Variants in PRKAR2A observed in about 807,000 individuals in gnomAD.
PRKAR2A encodes protein kinase cAMP-dependent type II regulatory subunit alpha, also known as cAMP-dependent protein kinase type II-alpha regulatory subunit.
In PRKAR2A, 29 loss-of-function variants were observed where a neutral mutation model predicts 51.9. The observed-to-expected ratio is 0.56, with a 90% CI of 0.42 to 0.76. PRKAR2A has a LOEUF of 0.76. Ranked by LOEUF, PRKAR2A falls within the 30% of genes least tolerant of loss-of-function variation. PRKAR2A has a pLI of 0.00. For synonymous variants in PRKAR2A, 178 were observed against 186.2 expected (o/e 0.96, Z 0.36); for missense variants, 445 against 512.1 (o/e 0.87, Z 1.26).
At chr3:48,835,373 G>A (rs914873894) in intron 1 of PRKAR2A, among the ~76,000 whole-genome samples, 2 of 152,032 alleles carry the variant, frequency 1.3e-5, no homozygotes, top group Non-Finnish European at 2.9e-5. Context: ...CGGTTGCTGT[G>A]GCTCACGCTT....
chr3:48,841,753 A>C (rs2083384695), intron 1 of PRKAR2A, among the ~76,000 whole-genome samples: 1 of 152,100 alleles, frequency 6.6e-6, no homozygotes, highest in Non-Finnish European at 1.5e-5. Flanking sequence ...AATACCAGCC[A>C]TCCTAACAGG....
chr3:48,808,051 T>TC (rs2082703507), intron 1 of PRKAR2A, among the ~76,000 whole-genome samples: 1 of 146,058 alleles, frequency 6.8e-6, no homozygotes, highest in African/African-American at 2.5e-5. Flanking sequence ...TTTCTTTCTT[T>TC]TTTTTTTTTT....
rs930519144 is a variant in PRKAR2A, at chr3:48,825,912, C to T, written c.263-18228G>A. On this transcript the variant is annotated intron_variant, in intron 1 of 10. Transcript: ENST00000265563. ...AAAGGCAAGATGCCCAACAAGACTG[C>T]CCTTACTTCAGATGGTAGTTATACT... 3.3e-5 allele frequency among the ~76,000 whole-genome samples: 5 copies of T among 152,266 alleles called. No homozygotes were observed. The East Asian group carries it at 9.6e-4, about 29-fold the overall frequency.
intron 8 of PRKAR2A, among the ~76,000 whole-genome samples, chr3:48,758,198 C>T (rs2081803102): frequency 6.7e-6 from 1 of 149,388 alleles, no homozygotes; most frequent in Non-Finnish European, 1.5e-5. Flanking sequence ...GTGGAGGTTG[C>T]AGTGATCCGA....
intron 6 of PRKAR2A, among the ~76,000 whole-genome samples, chr3:48,768,017 T>C (rs2081966366): frequency 6.6e-6 from 1 of 151,562 alleles, no homozygotes; most frequent in Non-Finnish European, 1.5e-5. Context: ...CTGGGAACAG[T>C]GGCTCACGAC....
At chr3:48,828,106 T>C (rs1488037980) in intron 1 of PRKAR2A, among the ~76,000 whole-genome samples, 2 of 152,192 alleles carry the variant, frequency 1.3e-5, no homozygotes, top group African/African-American at 4.8e-5. Flanking sequence ...GCTCAGGCGA[T>C]CCACCCACCT....
At chr3:48,785,300 G>A (rs1436488792) in intron 4 of PRKAR2A, among the ~76,000 whole-genome samples, 2 of 146,060 alleles carry the variant, frequency 1.4e-5, no homozygotes, top group Admixed American at 1.4e-4. Flanking sequence ...TCGCTCTGTC[G>A]GCCAGGCCGG....
chr3:48,833,023 GACA>G (rs1427935619), intron 1 of PRKAR2A, among the ~76,000 whole-genome samples: 1 of 152,046 alleles, frequency 6.6e-6, no homozygotes, highest in Non-Finnish European at 1.5e-5. Flanking sequence ...TCCTTCCAAT[GACA>G]ACATTTCAAA....
intron 1 of PRKAR2A, among the ~76,000 whole-genome samples, chr3:48,840,211 C>T (rs2083354231): frequency 6.6e-6 from 1 of 152,072 alleles, no homozygotes; most frequent in Non-Finnish European, 1.5e-5. Flanking sequence ...TAAGGATGGT[C>T]AGGTATGGTG....
chr3:48,813,688 C>T (rs1451937459), intron 1 of PRKAR2A, among the ~76,000 whole-genome samples: 1 of 151,660 alleles, frequency 6.6e-6, no homozygotes, highest in African/African-American at 2.4e-5. Context: ...AGCGAGACTC[C>T]ATCTCAAAAA....
chr3:48,811,040 G>A (rs1011048542), intron 1 of PRKAR2A, among the ~76,000 whole-genome samples: 2 of 152,132 alleles, frequency 1.3e-5, no homozygotes, highest in African/African-American at 2.4e-5. Flanking sequence ...TTAGTCAGGC[G>A]AGGTGGCATG....
intron 1 of PRKAR2A, among the ~76,000 whole-genome samples, chr3:48,823,386 A>G (rs1007848861): frequency 2.0e-5 from 3 of 151,972 alleles, no homozygotes; most frequent in Non-Finnish European, 4.4e-5. Flanking sequence ...CCAGGAAGAC[A>G]GTCAGAAATA....
chr3:48,771,315 C>G (rs774215880), intron 6 of PRKAR2A, among the ~76,000 whole-genome samples: 2 of 152,226 alleles, frequency 1.3e-5, no homozygotes, highest in African/African-American at 4.8e-5. Context: ...CAAGACCAGC[C>G]TGAGCAACAT....
chr3:48,842,166 T>C (rs1270203777), intron 1 of PRKAR2A, among the ~76,000 whole-genome samples: 1 of 152,218 alleles, frequency 6.6e-6, no homozygotes, highest in Non-Finnish European at 1.5e-5. Flanking sequence ...TTTTATTCTC[T>C]TTGAAGCAAT....
intron 1 of PRKAR2A, among the ~76,000 whole-genome samples, chr3:48,829,590 A>ACACACACATAAATATGTGTG (rs1477522468): frequency 8.4e-5 from 3 of 35,644 alleles, no homozygotes; most frequent in Admixed American, 2.1e-4. Context: ...ATGTGTGTAT[A>ACACACACATAAATATGTGTG]TATACACACA....
intron 1 of PRKAR2A, among the ~76,000 whole-genome samples, chr3:48,829,815 GTA>G (rs1432330210): frequency 2.7e-5 from 3 of 111,332 alleles, no homozygotes; most frequent in African/African-American, 1.0e-4. Context: ...ACATATATAT[GTA>G]TGTATATACA....
intron 2 of PRKAR2A, among the ~76,000 whole-genome samples, chr3:48,804,473 A>T (rs1042597128): frequency 5.9e-5 from 9 of 152,154 alleles, no homozygotes; most frequent in East Asian, 3.9e-4. Context: ...AAAAAAAATT[A>T]AAAATTTAAA....
At chr3:48,830,247 G>C (rs2083166938) in intron 1 of PRKAR2A, among the ~76,000 whole-genome samples, 1 of 151,550 alleles carries the variant, frequency 6.6e-6, no homozygotes, top group Non-Finnish European at 1.5e-5. Flanking sequence ...CATTAGACTA[G>C]TCCTATACAG....
At chr3:48,804,437 G>C (rs1461486204) in intron 2 of PRKAR2A, among the ~76,000 whole-genome samples, 1 of 151,980 alleles carries the variant, frequency 6.6e-6, no homozygotes, top group African/African-American at 2.4e-5. Flanking sequence ...CTCTAACATG[G>C]GTACAGAGTG....
Sources: allele counts gnomAD v4.1 joint callset (sites outside exome capture counted in the v4.1 genomes callset), GRCh38; gene constraint gnomAD v4.1.1; transcripts MANE v1.5; gene names NCBI Gene and HGNC (gene_info 2026-07-23, HGNC 2026-07-21).